HNRNPH1: variants seen among roughly 807,000 people sequenced by gnomAD.
The protein encoded by HNRNPH1 is heterogeneous nuclear ribonucleoprotein H1.
In HNRNPH1, 4 loss-of-function variants were observed where a neutral mutation model predicts 58.6. That is an observed-to-expected ratio of 0.07 (90% CI 0.03 to 0.16). The LOEUF (loss-of-function observed/expected upper bound fraction) is 0.16, where lower values mean the gene tolerates loss of function less well. Ranked by LOEUF, HNRNPH1 falls within the 10% of genes least tolerant of loss-of-function variation. The probability of loss-of-function intolerance (pLI) is 1.00; values close to 1 mark genes in which losing one functional copy is unlikely to be tolerated. For missense variants in HNRNPH1, 271 were observed against 564.2 expected (o/e 0.48, Z 5.26); for synonymous variants, 192 against 189.2 (o/e 1.01, Z -0.12).
chr5:179,627,799 G>A (rs544317486), upstream of HNRNPH1, among the ~76,000 whole-genome samples: 5 of 148,226 alleles, frequency 3.4e-5, no homozygotes, highest in African/African-American at 1.0e-4. Context: ...GTGGGCGCCT[G>A]TAATCCCAGC....
intron 10 of HNRNPH1, 145 bp from the exon 12 acceptor site, chr5:179,616,363 A>G (rs1769659819): frequency 4.4e-6 from 3 of 682,116 alleles, no homozygotes; most frequent in Non-Finnish European, 7.8e-6. Context: ...TACTGTCTAT[A>G]ACCAGGCCAC....
At chr5:179,632,008 TAAGAA>T (rs1017362699) in intron 2 of HNRNPH1, among the ~76,000 whole-genome samples, 9 of 152,080 alleles carry the variant, frequency 5.9e-5, no homozygotes, top group African/African-American at 2.2e-4. Flanking sequence ...TGCGGAGACT[TAAGAA>T]AAGGGCGTCT....
intron 2 of HNRNPH1, among the ~76,000 whole-genome samples, chr5:179,631,196 A>G (rs1404158512): frequency 1.3e-5 from 2 of 152,188 alleles, no homozygotes; most frequent in African/African-American, 2.4e-5. Flanking sequence ...AAAGGGCCAC[A>G]GGACATGAAA....
chr5:179,621,582 GAT>G, intron 1 of HNRNPH1, 185 bp from the exon 3 acceptor site: 1 of 590,008 alleles, frequency 1.7e-6, no homozygotes, highest in African/African-American at 1.9e-5. Flanking sequence ...TTCCTAAGGT[GAT>G]ATATTTCCAA....
chr5:179,619,624 TA>T (rs373213145), intron 3 of HNRNPH1: 29 of 342,114 alleles, frequency 8.5e-5, no homozygotes, highest in Admixed American at 2.4e-4. Context: ...CAGTATATAT[TA>T]AAAAAAACTT....
chr5:179,619,676 C>G, intron 3 of HNRNPH1: 1 of 255,278 alleles, frequency 3.9e-6, no homozygotes, highest in Non-Finnish European at 7.4e-6. Flanking sequence ...AACTTAAGAA[C>G]ACATATCTAT....
intron 3 of HNRNPH1, among the ~76,000 whole-genome samples, chr5:179,620,200 G>A (rs1015716303): frequency 6.6e-6 from 1 of 152,154 alleles, no homozygotes; most frequent in Non-Finnish European, 1.5e-5. Context: ...AGGATTTCCT[G>A]CTTCCAGCGT....
intron 2 of HNRNPH1, among the ~76,000 whole-genome samples, chr5:179,632,271 G>C (rs11740867): frequency 0.4 from 59,402 of 150,168 alleles, 13,382 homozygotes; most frequent in East Asian, 0.81. Flanking sequence ...TCCCGCCACC[G>C]CACTCCAGCC....
chr5:179,632,457 G>C (rs990321559), intron 2 of HNRNPH1, among the ~76,000 whole-genome samples: 8 of 152,392 alleles, frequency 5.2e-5, no homozygotes, highest in Non-Finnish European at 8.8e-5. Context: ...CCCCACTGTT[G>C]TGTTGAAGGA....
intron 10 of HNRNPH1, 108 bp downstream of exon 11, chr5:179,616,761 G>C (rs910518612): frequency 1.5e-5 from 14 of 946,982 alleles, no homozygotes; most frequent in Non-Finnish European, 1.6e-5. Flanking sequence ...AAACTGCTTT[G>C]CCTAAGTTTC....
At position 179,617,030 on chromosome 5, in the gene HNRNPH1, T is replaced by C. The variant is rs200885411; in HGVS notation, c.1117+21A>G. 5.7e-4 allele frequency: 923 copies of C among 1,606,204 alleles called. 8 individuals are homozygous for C. The highest frequency in any genetic ancestry group is 1.7e-4 in the Middle Eastern group (1 of 6,030). ...CTAAAGTGATATTTACACAAACCCA[T>C]GCCTCCTAGCATTTGGCTACCGTAA... On this transcript the variant is annotated intron_variant, in intron 9 of 12. Coordinates refer to ENST00000356731, the Ensembl canonical transcript of HNRNPH1.
chr5:179,614,665 G>C lies in HNRNPH1; in HGVS notation c.*295C>G. 3 of 509,662 alleles carry C rather than the reference G, an allele frequency of 5.9e-6. No homozygotes were observed. In the East Asian group the frequency reaches 9.5e-5, roughly 16 times the overall value. The allele number at this position is 509,662 out of a possible 1,614,324, so 31.6% of individuals were successfully genotyped here. On this transcript the variant is annotated 3_prime_UTR_variant, in exon 13 of 13. Transcript: ENST00000356731. ...TCAGCTTCACTGTTACATCCTAGAT[G>C]AGTATTGTATTCAAAAATACTGGGC...
chr5:179,615,960 T>A (rs1401380796), intron 11 of HNRNPH1, 166 bp downstream of exon 12: 4 of 609,880 alleles, frequency 6.6e-6, no homozygotes, highest in Non-Finnish European at 8.9e-6. Context: ...AGCATACATT[T>A]CATAACCCAA....
intron 1 of HNRNPH1, chr5:179,622,822 G>A (rs1581729634): frequency 1.3e-5 from 2 of 152,342 alleles, no homozygotes; most frequent in Admixed American, 6.5e-5. Context: ...GGACGGGCGG[G>A]GCTTTCGAAA....
At chr5:179,615,091 T>C (rs1562194283) in intron 12 of HNRNPH1, 132 bp from the exon 14 acceptor site, 2 of 650,986 alleles carry the variant, frequency 3.1e-6, no homozygotes, top group Non-Finnish European at 5.5e-6. Context: ...AGACGCATGT[T>C]TGGGAAAGGG....
intron 11 of HNRNPH1, 90 bp downstream of exon 12, chr5:179,616,036 G>C: frequency 1.7e-6 from 2 of 1,157,480 alleles, no homozygotes; most frequent in Middle Eastern, 1.9e-4. Context: ...TCTAAGTACA[G>C]TAACAGGCTT....
chr5:179,618,497 A>AAC, intron 4 of HNRNPH1, 174 bp from the exon 6 acceptor site: 1 of 486,958 alleles, frequency 2.1e-6, no homozygotes, highest in Non-Finnish European at 3.6e-6. Context: ...CACTCAATAA[A>AAC]TAGTAAGACA....
chr5:179,628,354 GTATT>G (rs1358580734), upstream of HNRNPH1, among the ~76,000 whole-genome samples: 1 of 152,022 alleles, frequency 6.6e-6, no homozygotes, highest in East Asian at 1.9e-4. Context: ...TTAAAAATTT[GTATT>G]TATTTATTTA....
chr5:179,632,254 G>A (rs1361330032), intron 2 of HNRNPH1, among the ~76,000 whole-genome samples: 1 of 151,174 alleles, frequency 6.6e-6, no homozygotes, highest in Admixed American at 6.6e-5. Context: ...CTTGCAGTGA[G>A]CCAAGATCCC....
Sources: allele counts gnomAD v4.1 joint callset (sites outside exome capture counted in the v4.1 genomes callset), GRCh38; gene constraint gnomAD v4.1.1; transcripts MANE v1.5; gene names NCBI Gene and HGNC (gene_info 2026-07-23, HGNC 2026-07-21).